FGF1: variants seen among roughly 807,000 people sequenced by gnomAD.
FGF1 encodes the protein fibroblast growth factor 1.
In FGF1, 9 loss-of-function variants were observed where a neutral mutation model predicts 13.4. The ratio of observed to expected loss-of-function variants is 0.67; its 90% CI spans 0.40 to 1.17. FGF1 has a LOEUF of 1.17. Ranked by LOEUF, FGF1 falls within the 50% of genes most tolerant of loss-of-function variation. FGF1 has a pLI of 0.01. For missense variants in FGF1, 156 were observed against 192.7 expected, an observed-to-expected ratio of 0.81 and a Z score of 1.13; for synonymous variants, 93 against 79.0, an observed-to-expected ratio of 1.18 and a Z score of -0.94.
chr5:142,628,914 T>C lies in FGF1; in HGVS notation c.-34-14753A>G, dbSNP rs1260784104. ...CTTCACATTCAAGATCCTGCATTCC[T>C]TGGCTCCTTCTTGGCATTGTCAGGT... On this transcript the variant is annotated intron_variant, in intron 1 of 3. Transcript: ENST00000337706. Among the ~76,000 whole-genome samples the C allele has an allele frequency of 2.0e-5, 3 of 152,322 alleles. No homozygotes were observed. In the East Asian group the frequency reaches 5.8e-4, roughly 29 times the overall value.
intron 1 of FGF1, among the ~76,000 whole-genome samples, chr5:142,619,759 G>A (rs1356995122): frequency 1.3e-5 from 2 of 151,942 alleles, no homozygotes; most frequent in Non-Finnish European, 2.9e-5. Context: ...CTTGAACCCG[G>A]GAGGCGGAGG....
intron 3 of FGF1, among the ~76,000 whole-genome samples, chr5:142,600,243 TC>T (rs1756201770): frequency 6.6e-6 from 1 of 152,090 alleles, no homozygotes; most frequent in Non-Finnish European, 1.5e-5. Context: ...TCATCTGTGG[TC>T]CCAGCTACTC....
At chr5:142,675,276 C>A (rs188801920) in intron 1 of FGF1, among the ~76,000 whole-genome samples, 3 of 152,106 alleles carry the variant, frequency 2.0e-5, no homozygotes, top group Non-Finnish European at 4.4e-5. Context: ...AGAGGCCTAA[C>A]GACCCAGGGG....
Position 142,595,307 on chromosome 5 carries a change from G to T in FGF1, c.451C>A (p.Pro151Thr). 2 of 1,613,892 alleles carry T rather than the reference G, an allele frequency of 1.2e-6. No homozygotes were observed. Among genetic ancestry groups the T allele is most frequent in the East Asian group, 2.2e-5 (1 of 44,882 alleles). The change falls in exon 4 of 4, where the codon CCA becomes ACA. Residue 151 changes from proline to threonine, a missense_variant. Physicochemically the swap from Pro to Thr is conservative, Grantham distance 38. Coordinates refer to ENST00000337706, the MANE Select transcript of FGF1 (RefSeq NM_000800.5). Reference sequence around the variant, plus strand: ...AGATCTCTTTAATCAGAAGAGACTGGCAGGGGGAGAAACAAGATTGCTTTC... The same window carrying T: ...AGATCTCTTTAATCAGAAGAGACTGTCAGGGGGAGAAACAAGATTGCTTTC... The part of the protein sequence containing the change: ...GQKAILFLPL[P>T]VSSD
chr5:142,629,745 C>G (rs147591317), intron 1 of FGF1, among the ~76,000 whole-genome samples: 1,700 of 151,736 alleles, frequency 0.011, 32 homozygotes, highest in African/African-American at 0.039. Context: ...ATCACTGTTA[C>G]TCATCCTGTC....
At chr5:142,612,617 CT>C (rs77284157) in intron 2 of FGF1, among the ~76,000 whole-genome samples, 5,443 of 148,474 alleles carry the variant, frequency 0.037, 202 homozygotes, top group African/African-American at 0.09. Context: ...AAACTAGAGT[CT>C]TTTTTTTTTG....
At chr5:142,697,765 C>T (rs190535487) in intron 1 of FGF1, 2 of 152,472 alleles carry the variant, frequency 1.3e-5, no homozygotes, top group Admixed American at 6.5e-5. Context: ...AGTGTCCTCC[C>T]AGAAAAGGAG....
chr5:142,625,313 G>GACACACAC lies in FGF1; in HGVS notation c.-34-11160_-34-11153dup, dbSNP rs59813387. Among the ~76,000 whole-genome samples the GACACACAC allele has an allele frequency of 8.5e-4, 126 of 148,400 alleles. 1 individual carries two copies. The highest frequency in any genetic ancestry group is 6.9e-3 in the Middle Eastern group (2 of 290). ...TAACGAAGAGAGAGAACTACAAGCG[G>GACACACAC]ACACACACACACACACACACACACA... On this transcript the variant is annotated intron_variant, in intron 1 of 3. Coordinates refer to ENST00000337706, the MANE Select transcript of FGF1 (RefSeq NM_000800.5).
chr5:142,630,043 G>A (rs1014396518), intron 1 of FGF1, among the ~76,000 whole-genome samples: 4 of 151,730 alleles, frequency 2.6e-5, no homozygotes, highest in Admixed American at 6.6e-5. Context: ...ACAGGCGTCC[G>A]CCACCACTCC....
At chr5:142,601,098 C>T in intron 2 of FGF1, 1 of 563,014 alleles carries the variant, frequency 1.8e-6, no homozygotes, top group South Asian at 1.4e-5. Flanking sequence ...CTTCACGGTG[C>T]CTCGCTCCTT....
At chr5:142,614,648 C>T (rs1010198656) in intron 1 of FGF1, among the ~76,000 whole-genome samples, 2 of 152,030 alleles carry the variant, frequency 1.3e-5, no homozygotes, top group African/African-American at 2.4e-5. Context: ...CCTGGACGTT[C>T]GGGACCTGCA....
At chr5:142,615,501 CG>C (rs1242402525) in intron 1 of FGF1, among the ~76,000 whole-genome samples, 1 of 152,192 alleles carries the variant, frequency 6.6e-6, no homozygotes, top group African/African-American at 2.4e-5. Context: ...GGATTACAGG[CG>C]TAAGCCACCG....
At chr5:142,621,636 C>T (rs1761649973) in intron 1 of FGF1, among the ~76,000 whole-genome samples, 3 of 152,136 alleles carry the variant, frequency 2.0e-5, no homozygotes, top group Admixed American at 1.3e-4. Flanking sequence ...GTGTAATTCC[C>T]ATCTATATCC....
chr5:142,594,988 T>G lies in FGF1; in HGVS notation c.*302A>C. The G allele has an allele frequency of 3.2e-6, 1 of 316,878 alleles. No homozygotes were observed. Among genetic ancestry groups the G allele is most frequent in the Non-Finnish European group, 5.8e-6 (1 of 172,460 alleles). 19.6% of individuals were successfully genotyped at this position (316,878 alleles called of 1,614,324 possible). A position where few individuals can be genotyped will look rare whatever the true frequency, so the allele number is the denominator to read the frequency against. ...TTAGCCGACCCCTTAACACACTTCA[T>G]TTAGCCCCACTTTTGCATGGAGGGA... On this transcript the variant is annotated 3_prime_UTR_variant, in exon 4 of 4. Transcript: ENST00000337706.
chr5:142,617,324 C>T (rs915847093), intron 1 of FGF1, among the ~76,000 whole-genome samples: 1 of 151,910 alleles, frequency 6.6e-6, no homozygotes, highest in Non-Finnish European at 1.5e-5. Flanking sequence ...AAGATTGCGC[C>T]GTTGCACCCC....
intron 3 of FGF1, among the ~76,000 whole-genome samples, chr5:142,596,848 T>C (rs1031125471): frequency 2.6e-5 from 4 of 152,162 alleles, no homozygotes; most frequent in African/African-American, 7.2e-5. Context: ...CACCCAGATA[T>C]AGGCAACTGT....
At chr5:142,675,098 C>T (rs1424240894) in intron 1 of FGF1, among the ~76,000 whole-genome samples, 1 of 152,158 alleles carries the variant, frequency 6.6e-6, no homozygotes, top group Non-Finnish European at 1.5e-5. Context: ...ACCCGGCCAT[C>T]GCCTTGGAAA....
chr5:142,653,643 G>A (rs1035434677), intron 1 of FGF1, among the ~76,000 whole-genome samples: 7 of 152,334 alleles, frequency 4.6e-5, no homozygotes, highest in Middle Eastern at 3.4e-3. Context: ...GATCTCAGCT[G>A]TGACTTCTTC....
chr5:142,638,529 T>C (rs1477745466), intron 1 of FGF1, among the ~76,000 whole-genome samples: 1 of 152,022 alleles, frequency 6.6e-6, no homozygotes, highest in African/African-American at 2.4e-5. Context: ...AGTACAAAGA[T>C]CAACTCAAAA....
Sources: gnomAD v4.1 joint callset for allele counts (sites outside exome capture counted in the v4.1 genomes callset) on GRCh38, gnomAD v4.1.1 for gene constraint, MANE v1.5 for transcripts, NCBI Gene and HGNC (gene_info 2026-07-23, HGNC 2026-07-21) for gene names.